The following ATG13 variants were observed in gnomAD, a reference collection of about 807,000 sequenced individuals.
The protein encoded by ATG13 is autophagy related 13.
A neutral mutation model predicts 65.5 loss-of-function variants in ATG13; 23 were observed. The ratio of observed to expected loss-of-function variants is 0.35; its 90% confidence interval spans 0.25 to 0.50. The LOEUF (loss-of-function observed/expected upper bound fraction) is 0.50, where lower values mean the gene tolerates loss of function less well. Ranked by LOEUF, ATG13 falls within the 20% of genes least tolerant of loss-of-function variation. The pLI is 0.98. For missense variants in ATG13, 566 were observed against 677.0 expected (o/e 0.84, Z 1.82); for synonymous variants, 252 against 245.2 (o/e 1.03, Z -0.26).
intron 13 of ATG13, 40 bp downstream of exon 13, chr11:46,664,999 TG>T (rs1380537314): frequency 2.5e-6 from 4 of 1,569,164 alleles, no homozygotes; most frequent in Non-Finnish European, 3.5e-6. Context: ...TTTCCAGTGC[TG>T]CCTCCCCTGC....
At chr11:46,641,111 T>C (rs1189539507) in intron 2 of ATG13, among the ~76,000 whole-genome samples, 2 of 152,238 alleles carry the variant, frequency 1.3e-5, no homozygotes, top group South Asian at 4.1e-4. Context: ...CTTGCTCCAT[T>C]GCCCAGGCTG....
chr11:46,665,797 CTTTTTTTT>C (rs1159523560), intron 14 of ATG13, among the ~76,000 whole-genome samples: 15 of 87,774 alleles, frequency 1.7e-4, no homozygotes, highest in Admixed American at 1.5e-4. Flanking sequence ...TTTATTTTTC[CTTTTTTTT>C]TTTTTTTTTT....
Position 46,664,031 on chromosome 11 carries a change from C to A in ATG13, c.824C>A (p.Thr275Asn), listed in dbSNP as rs760922431. Residue 275 changes from threonine (T) to asparagine (N), a missense_variant, in exon 12 of 19, where the codon ACC (threonine) becomes AAC (asparagine). By Grantham distance (65) the Thr-to-Asn change is moderately conservative. Coordinates refer to ENST00000683050, the MANE Select transcript of ATG13 (RefSeq NM_001346311.2). ...ACTGTCACAAAGGCACATTTTCAGACCCCTACTCCTGTGGTGACGGACACC... is the reference window on the plus strand; with the variant it reads ...ACTGTCACAAAGGCACATTTTCAGAACCCTACTCCTGTGGTGACGGACACC... ...VFTVTKAHFQ[T>N]PTPVVTDTLR... 3.1e-6 allele frequency: 5 copies of A among 1,591,014 alleles called. No homozygotes were observed. Among genetic ancestry groups the A allele is most frequent in the Admixed American group, 1.7e-5 (1 of 59,550 alleles).
chr11:46,643,175 G>A (rs769566458), intron 2 of ATG13, among the ~76,000 whole-genome samples: 3 of 152,132 alleles, frequency 2.0e-5, no homozygotes, highest in Non-Finnish European at 2.9e-5. Flanking sequence ...TCAGACATTT[G>A]TTTCAAACGG....
At chr11:46,656,961 GGCT>G (rs1204490569) in intron 8 of ATG13, 131 bp from the exon 9 acceptor site, 10 of 728,970 alleles carry the variant, frequency 1.4e-5, no homozygotes, top group Non-Finnish European at 2.4e-5. Context: ...ATGAAATTAA[GGCT>G]GCTGCACTTA....
chr11:46,656,897 A>T (rs541785354), intron 8 of ATG13, 198 bp from the exon 9 acceptor site: 5 of 566,926 alleles, frequency 8.8e-6, no homozygotes, highest in African/African-American at 7.6e-5. Context: ...GAGAGGGAAG[A>T]AACCTATATA....
At chr11:46,626,972 C>A (rs1038052164) in intron 1 of ATG13, among the ~76,000 whole-genome samples, 1 of 152,198 alleles carries the variant, frequency 6.6e-6, no homozygotes, top group Middle Eastern at 3.4e-3. Flanking sequence ...AGGTCGGGTG[C>A]GGTAATCCTG....
chr11:46,646,971 G>T (rs536228706), intron 5 of ATG13, among the ~76,000 whole-genome samples: 1 of 152,136 alleles, frequency 6.6e-6, no homozygotes, highest in Non-Finnish European at 1.5e-5. Context: ...TGTTGCCCAG[G>T]CTGGTCTCAA....
chr11:46,628,172 G>A (rs986752408), intron 1 of ATG13, among the ~76,000 whole-genome samples: 1 of 151,986 alleles, frequency 6.6e-6, no homozygotes, highest in Non-Finnish European at 1.5e-5. Flanking sequence ...GGAGACCGAG[G>A]TGGGCAGATC....
At chr11:46,634,889 G>A (rs1591628224) in intron 2 of ATG13, among the ~76,000 whole-genome samples, 3 of 151,822 alleles carry the variant, frequency 2.0e-5, no homozygotes, top group Admixed American at 2.0e-4. Flanking sequence ...TTTTAGTAGA[G>A]GCCGGGTTTC....
At chr11:46,635,239 C>T (rs772244830) in intron 2 of ATG13, among the ~76,000 whole-genome samples, 2 of 152,000 alleles carry the variant, frequency 1.3e-5, no homozygotes, top group Non-Finnish European at 2.9e-5. Flanking sequence ...CTCCTGACCT[C>T]ATGTGATCCC....
At chr11:46,636,812 G>T (rs886554912) in intron 2 of ATG13, among the ~76,000 whole-genome samples, 7 of 151,350 alleles carry the variant, frequency 4.6e-5, no homozygotes, top group African/African-American at 1.7e-4. Flanking sequence ...GTCTCATTCT[G>T]TCACCAGGCT....
At chr11:46,661,448 G>T (rs1565588444) in intron 11 of ATG13, among the ~76,000 whole-genome samples, 1 of 149,740 alleles carries the variant, frequency 6.7e-6, no homozygotes, top group Non-Finnish European at 1.5e-5. Flanking sequence ...AACCCCGGAG[G>T]CAGAGGTTGC....
chr11:46,657,110 GT>G lies in ATG13; in HGVS notation c.516del (p.Val173LeufsTer68). The G allele has an allele frequency of 6.2e-7, 1 of 1,613,982 alleles. No individual in the cohort carries two copies. Among genetic ancestry groups the G allele is most frequent in the Admixed American group, 1.7e-5 (1 of 60,022 alleles). On this transcript the variant is annotated frameshift_variant, in exon 9 of 19. Coordinates refer to ENST00000683050, the MANE Select transcript of ATG13 (RefSeq NM_001346311.2). LOFTEE classifies it high-confidence loss of function. ...SGLGEGFQTV[R>X]VGTVGTPVGT... ...CTTCTCCTAGGCTTCCAGACAGTTC[GT>G]GTTGGGACAGTGGGCACCCCTGTGG...
Position 46,664,870 on chromosome 11 carries a change from T to C in ATG13, c.910T>C (p.Tyr304His). Reference protein sequence around the residue: ...SHQLSSSRLSYQPAALGVGSA... With the variant: ...SHQLSSSRLSHQPAALGVGSA... ...TTAGCTCTCAAGCTCTCGCCTTTCCTATCAGCCTGCTGCCCTGGGCGTTGG... is the reference window on the plus strand; with the variant it reads ...TTAGCTCTCAAGCTCTCGCCTTTCCCATCAGCCTGCTGCCCTGGGCGTTGG... Residue 304 changes from tyrosine to histidine, a missense_variant, in exon 13 of 19, where the codon TAT (tyrosine) becomes CAT (histidine). This residue lies in a region of ATG13 where 387 missense variants were observed against 409.8 expected (regional missense o/e 0.94). Coordinates refer to ENST00000683050, the MANE Select transcript of ATG13 (RefSeq NM_001346311.2). 1 of 1,614,014 alleles carries C rather than the reference T, an allele frequency of 6.2e-7. No individual in the cohort carries two copies. Among genetic ancestry groups the C allele is most frequent in the Non-Finnish European group, 8.5e-7 (1 of 1,179,862 alleles).
chr11:46,642,304 GTTT>G (rs200225497), intron 2 of ATG13, among the ~76,000 whole-genome samples: 4 of 107,910 alleles, frequency 3.7e-5, no homozygotes, highest in South Asian at 3.1e-4. Flanking sequence ...ATTTTTGTGG[GTTT>G]TTTTTTTTTT....
Position 46,617,796 on chromosome 11 carries a change from G to A in ATG13, c.-164G>A. The A allele has an allele frequency of 2.5e-6, 1 of 399,224 alleles. No homozygotes were observed. The highest frequency in any genetic ancestry group is 4.4e-6 in the Non-Finnish European group (1 of 226,224). 24.7% of individuals were successfully genotyped at this position (399,224 alleles called of 1,614,324 possible). On this transcript the variant is annotated 5_prime_UTR_variant, in exon 1 of 19. Transcript: ENST00000683050. ...TGTACGGTCACTGCAGCTCCGGAGC[G>A]CGGAACCCTCAGCCAGGAGGCGCGG...
intron 1 of ATG13, among the ~76,000 whole-genome samples, chr11:46,619,978 T>C (rs2046902798): frequency 6.9e-6 from 1 of 144,672 alleles, no homozygotes. Flanking sequence ...GCAGTGAGCC[T>C]AGATCACGCC....
intron 1 of ATG13, among the ~76,000 whole-genome samples, chr11:46,623,438 G>GT (rs2048422496): frequency 6.6e-6 from 1 of 151,450 alleles, no homozygotes; most frequent in Non-Finnish European, 1.5e-5. Context: ...TTTTGTTTTT[G>GT]TTTTTTTGAG....
Sources: allele counts gnomAD v4.1 joint callset (sites outside exome capture counted in the v4.1 genomes callset), GRCh38; gene constraint gnomAD v4.1.1; regional missense constraint gnomAD v4.1.1; transcripts MANE v1.5; gene names NCBI Gene and HGNC (gene_info 2026-07-23, HGNC 2026-07-21).